Variants in CFAP95 observed in about 807,000 individuals in gnomAD.
CFAP95 encodes the protein cilia and flagella associated protein 95.
At chr9:69,832,294 T>C in the CFAP95 span, among the ~76,000 whole-genome samples, 10 of 152,320 alleles carry the variant, frequency 6.6e-5, no homozygotes, top group South Asian at 2.1e-4. Flanking sequence ...AAATTTAGTC[T>C]GGAAAGATTG....
At chr9:69,869,678 T>C in the CFAP95 span, among the ~76,000 whole-genome samples, 1 of 152,114 alleles carries the variant, frequency 6.6e-6, no homozygotes, top group East Asian at 1.9e-4. Context: ...CAGTTTAATA[T>C]GTAAATATAT....
the CFAP95 span, among the ~76,000 whole-genome samples, chr9:69,827,644 C>T: frequency 3.3e-5 from 5 of 152,248 alleles, no homozygotes; most frequent in South Asian, 4.1e-4. Flanking sequence ...TGTCCTTGCT[C>T]GCCTCATCCT....
At chr9:69,880,140 C>T in the CFAP95 span, among the ~76,000 whole-genome samples, 1 of 152,172 alleles carries the variant, frequency 6.6e-6, no homozygotes, top group Non-Finnish European at 1.5e-5. Context: ...GTGTTACAAA[C>T]AATCCAATTA....
the CFAP95 span, among the ~76,000 whole-genome samples, chr9:69,870,513 T>A: frequency 2.6e-5 from 4 of 152,364 alleles, no homozygotes; most frequent in African/African-American, 4.8e-5. Context: ...ATTAACTAGC[T>A]TTCATCCTTG....
At chr9:69,844,611 A>C in the CFAP95 span, 2 of 1,611,122 alleles carry the variant, frequency 1.2e-6, no homozygotes, top group Admixed American at 3.4e-5. Context: ...GCGACTGGGA[A>C]CCGATGAATC....
At chr9:69,902,934 C>T in the CFAP95 span, among the ~76,000 whole-genome samples, 1 of 152,156 alleles carries the variant, frequency 6.6e-6, no homozygotes, top group Non-Finnish European at 1.5e-5. Flanking sequence ...CATTTATTTC[C>T]TCTGATTCCA....
At chr9:69,877,932 A>G in the CFAP95 span, among the ~76,000 whole-genome samples, 2 of 152,140 alleles carry the variant, frequency 1.3e-5, no homozygotes, top group Admixed American at 1.3e-4. Context: ...TGTTCTTCTC[A>G]TAGTAATGTT....
the CFAP95 span, among the ~76,000 whole-genome samples, chr9:69,885,292 T>C: frequency 5.7e-3 from 360 of 63,578 alleles, 3 homozygotes; most frequent in African/African-American, 0.014. Context: ...AGTCCCATAA[T>C]ATTGCCAGGA....
chr9:69,839,451 A>G, the CFAP95 span, among the ~76,000 whole-genome samples: 12 of 152,062 alleles, frequency 7.9e-5, no homozygotes, highest in Admixed American at 7.9e-4. Flanking sequence ...TTTCTTCCAG[A>G]GTCTCACTTC....
chr9:69,898,744 T>C, the CFAP95 span, among the ~76,000 whole-genome samples: 2 of 152,222 alleles, frequency 1.3e-5, no homozygotes. Context: ...CAGTGATCAC[T>C]GCTGTGCATA....
the CFAP95 span, chr9:69,858,180 C>G: frequency 1.8e-6 from 1 of 543,370 alleles, no homozygotes; most frequent in East Asian, 3.1e-5. Context: ...TAAATCCTCA[C>G]TATTTGCAGA....
chr9:69,879,479 C>T, the CFAP95 span, among the ~76,000 whole-genome samples: 3 of 151,828 alleles, frequency 2.0e-5, no homozygotes, highest in Admixed American at 6.6e-5. Flanking sequence ...TCAGGAGGTT[C>T]GGGGGGAAAA....
At chr9:69,845,673 G>C in the CFAP95 span, among the ~76,000 whole-genome samples, 1 of 152,146 alleles carries the variant, frequency 6.6e-6, no homozygotes. Context: ...TTATCATAAA[G>C]TGACAGCTGC....
At chr9:69,902,082 G>A in the CFAP95 span, among the ~76,000 whole-genome samples, 58 of 152,264 alleles carry the variant, frequency 3.8e-4, no homozygotes, top group South Asian at 0.012. Flanking sequence ...TCTACAAAGA[G>A]ATCCTATGTA....
chr9:69,846,728 G>A, the CFAP95 span, among the ~76,000 whole-genome samples: 2 of 152,224 alleles, frequency 1.3e-5, no homozygotes, highest in Admixed American at 6.5e-5. Context: ...GATATAGCAA[G>A]AGGATGGGCA....
the CFAP95 span, among the ~76,000 whole-genome samples, chr9:69,879,879 T>G: frequency 6.6e-6 from 1 of 152,030 alleles, no homozygotes; most frequent in Non-Finnish European, 1.5e-5. Flanking sequence ...ACTTTTTGTT[T>G]TTTTTTTAAC....
At chr9:69,828,598 G>T in the CFAP95 span, among the ~76,000 whole-genome samples, 1 of 152,184 alleles carries the variant, frequency 6.6e-6, no homozygotes, top group African/African-American at 2.4e-5. Flanking sequence ...CGAGAGGATC[G>T]CTGGAGCATG....
the CFAP95 span, among the ~76,000 whole-genome samples, chr9:69,891,070 G>A: frequency 7.9e-5 from 12 of 152,330 alleles, no homozygotes; most frequent in African/African-American, 2.9e-4. Flanking sequence ...CAGCGGAAAA[G>A]TTGGAAAGAA....
chr9:69,845,457 C>T, the CFAP95 span, among the ~76,000 whole-genome samples: 1 of 152,138 alleles, frequency 6.6e-6, no homozygotes, highest in Admixed American at 6.6e-5. Context: ...CCCCCGCCCC[C>T]CAAGGCTGGG....
Sources: allele counts gnomAD v4.1 joint callset (sites outside exome capture counted in the v4.1 genomes callset), GRCh38; gene constraint gnomAD v4.1.1; transcripts MANE v1.5; gene names NCBI Gene and HGNC (gene_info 2026-07-23, HGNC 2026-07-21).